Variants in AP2A2 observed in about 807,000 individuals in gnomAD.
AP2A2 encodes adaptor related protein complex 2 subunit alpha 2, also known as AP-2 complex subunit alpha-2.
Under a neutral mutation model 104.2 loss-of-function variants are expected in AP2A2, and 32 were observed. That is an observed-to-expected ratio of 0.31 (90% CI 0.23 to 0.41). The LOEUF is 0.41. Among genes scored for constraint, AP2A2 ranks in the 10% least tolerant of loss-of-function variants. AP2A2 has a pLI of 1.00. For missense variants in AP2A2, 912 were observed against 1,261.0 expected, an observed-to-expected ratio of 0.72 and a Z score of 4.19; for synonymous variants, 539 against 533.3, an observed-to-expected ratio of 1.01 and a Z score of -0.15.
chr11:939,951 CTTTTTTTTTT>C (rs145184268), intron 1 of AP2A2, among the ~76,000 whole-genome samples: 22 of 106,062 alleles, frequency 2.1e-4, no homozygotes, highest in Non-Finnish European at 4.1e-4. Flanking sequence ...GTTTTGCTTA[CTTTTTTTTTT>C]TTTTTTTTTT....
At chr11:969,220 CTTTTTTTTTTTT>C (rs1190722379) in intron 2 of AP2A2, among the ~76,000 whole-genome samples, 1 of 48,040 alleles carries the variant, frequency 2.1e-5, no homozygotes, top group Non-Finnish European at 4.3e-5. Flanking sequence ...TAGAACAGCC[CTTTTTTTTTTTT>C]TTTTTTTTTT....
Position 970,243 on chromosome 11 carries a change from G to C in AP2A2, c.211G>C (p.Asp71His), listed in dbSNP as rs1490807586. The change falls in exon 3 of 22, where the codon GAC (aspartate) becomes CAC (histidine). Residue 71 changes from aspartate to histidine, a missense_variant. Coordinates refer to ENST00000448903, the MANE Select transcript of AP2A2 (RefSeq NM_012305.4). ...GCTCTTCATCTTTCTCCTTGGTCAT[G>C]ACATTGACTTTGGACACATGGAGGC... ...KLLFIFLLGH[D>H]IDFGHMEAVN... 3 of 1,613,874 alleles carry C rather than the reference G, an allele frequency of 1.9e-6. No homozygotes were observed. Among genetic ancestry groups the C allele is most frequent in the Non-Finnish European group, 2.5e-6 (3 of 1,179,882 alleles).
At chr11:940,353 G>C (rs571443268) in intron 1 of AP2A2, among the ~76,000 whole-genome samples, 4 of 152,272 alleles carry the variant, frequency 2.6e-5, no homozygotes, top group African/African-American at 7.2e-5. Context: ...AAATATTCTT[G>C]TTGTATTTTG....
At chr11:987,995 C>T (rs1855520149) in intron 9 of AP2A2, among the ~76,000 whole-genome samples, 1 of 152,242 alleles carries the variant, frequency 6.6e-6, no homozygotes, top group Non-Finnish European at 1.5e-5. Context: ...TTGTTTTAGT[C>T]AATCCCTATT....
intron 14 of AP2A2, among the ~76,000 whole-genome samples, chr11:998,535 CCTT>C (rs543047452): frequency 3.9e-4 from 59 of 152,146 alleles, no homozygotes; most frequent in Non-Finnish European, 7.5e-4. Flanking sequence ...TAATTTTTTA[CCTT>C]CTTAGATGTC....
At position 968,790 on chromosome 11, in the gene AP2A2, G is replaced by A. The variant is rs915060225; in HGVS notation, c.137-1379G>A. On this transcript the variant is annotated intron_variant, in intron 2 of 21. Coordinates refer to ENST00000448903, the MANE Select transcript of AP2A2 (RefSeq NM_012305.4). This position sits in a 1 kb window ranked among gnomAD's most constrained non-coding sequence, Gnocchi z 4.2. Reference sequence around the variant, plus strand: ...GCAAGCAGATAAGTGGGTCGGGGCCGGGGGAGGGAGGAACCAGGTCGGGTC... The same window carrying A: ...GCAAGCAGATAAGTGGGTCGGGGCCAGGGGAGGGAGGAACCAGGTCGGGTC... 6.6e-6 allele frequency among the ~76,000 whole-genome samples: 1 copy of A among 151,972 alleles called. No homozygotes were observed. The highest frequency in any genetic ancestry group is 6.6e-5 in the Admixed American group (1 of 15,232).
At chr11:1,008,267 G>T in intron 18 of AP2A2, 132 bp downstream of exon 18, 1 of 1,301,628 alleles carries the variant, frequency 7.7e-7, no homozygotes, top group Non-Finnish European at 1.0e-6. Context: ...GTGCATGGAT[G>T]CGGCCTGAGC....
At chr11:1,002,655 C>T (rs571168407) in intron 15 of AP2A2, among the ~76,000 whole-genome samples, 7 of 152,382 alleles carry the variant, frequency 4.6e-5, no homozygotes, top group Admixed American at 3.9e-4. Context: ...TGCCCCTTGC[C>T]GTCTGTTGCT....
chr11:969,219 CCT>C lies in AP2A2; in HGVS notation c.137-949_137-948del, dbSNP rs1564799370. On this transcript the variant is annotated intron_variant, in intron 2 of 21. Coordinates refer to ENST00000448903, the MANE Select transcript of AP2A2 (RefSeq NM_012305.4). ...GAAACTCCTGGCAATGTAGAACAGC[CCT>C]TTTTTTTTTTTTTTTTTTTTTTTTT... Among the ~76,000 whole-genome samples the C allele has an allele frequency of 1.7e-4, 19 of 112,840 alleles. 4 individuals are homozygous for C. Among genetic ancestry groups the C allele is most frequent in the Non-Finnish European group, 2.6e-4 (14 of 54,336 alleles). The allele number at this position is 112,840 out of a possible 152,430, so 74.0% of individuals were successfully genotyped here. A position where few individuals can be genotyped will look rare whatever the true frequency, so the allele number is the denominator to read the frequency against.
chr11:973,129 C>T (rs569728524), intron 4 of AP2A2, among the ~76,000 whole-genome samples: 33 of 152,134 alleles, frequency 2.2e-4, no homozygotes, highest in African/African-American at 7.2e-4. Context: ...CCTCAGGCCA[C>T]GGGAGAGTGG....
In AP2A2 at chr11:992,746, G is replaced by A. The variant is rs1290638647; in HGVS notation, c.1452+61G>A. 4.4e-6 allele frequency: 7 copies of A among 1,593,838 alleles called. No individual in the cohort carries two copies. Among genetic ancestry groups the A allele is most frequent in the East Asian group, 2.2e-5 (1 of 44,684 alleles). On this transcript the variant is annotated intron_variant, in intron 11 of 21. Transcript: ENST00000448903. This position sits in a 1 kb window ranked among gnomAD's most constrained non-coding sequence, Gnocchi z 6.4. ...AGGGCAGTTGCAGAAGGTGAGCAGT[G>A]AGTGGTTCCAGCCTGCCTGCGTGGA...
chr11:949,774 CAAAA>C (rs1564788116), intron 1 of AP2A2, among the ~76,000 whole-genome samples: 1 of 74,234 alleles, frequency 1.3e-5, no homozygotes, highest in Non-Finnish European at 2.8e-5. Context: ...GACTCTGTCT[CAAAA>C]AAGAAAAAAA....
intron 16 of AP2A2, 122 bp from the exon 17 acceptor site, chr11:1,006,406 A>G (rs970944198): frequency 2.8e-6 from 2 of 722,800 alleles, no homozygotes; most frequent in African/African-American, 1.8e-5. Context: ...AACAACAGTC[A>G]TACATCACAA....
At chr11:978,997 T>G (rs1855148381) in intron 5 of AP2A2, among the ~76,000 whole-genome samples, 2 of 149,124 alleles carry the variant, frequency 1.3e-5, no homozygotes, top group Non-Finnish European at 3.0e-5. Context: ...CAGGTTGGAG[T>G]GGACAAGGAC....
At chr11:976,009 ATGGAACCTGGT>A (rs1412911110) in intron 4 of AP2A2, among the ~76,000 whole-genome samples, 1 of 152,208 alleles carries the variant, frequency 6.6e-6, no homozygotes, top group African/African-American at 2.4e-5. Flanking sequence ...AGCCACAAGC[ATGGAACCTGGT>A]TGGCTCTTCT....
In AP2A2 at chr11:948,848, C is replaced by T. The variant is rs916472071; in HGVS notation, c.68-10589C>T. ...CACCATTGCATTCAAACCTGGGCAA[C>T]GAGCGAAACTCCATCTCAAAGGAAA... On this transcript the variant is annotated intron_variant, in intron 1 of 21. Coordinates refer to ENST00000448903, the MANE Select transcript of AP2A2 (RefSeq NM_012305.4). Among the ~76,000 whole-genome samples, 6 of 151,676 alleles carry T rather than the reference C, an allele frequency of 4.0e-5. No homozygotes were observed. The East Asian group carries it at 5.8e-4, about 15-fold the overall frequency.
At chr11:989,778 C>T (rs1006635506) in intron 10 of AP2A2, among the ~76,000 whole-genome samples, 3 of 152,188 alleles carry the variant, frequency 2.0e-5, no homozygotes, top group Non-Finnish European at 2.9e-5. Flanking sequence ...TCAGGCTCAC[C>T]GTGTCTGTGG....
intron 14 of AP2A2, among the ~76,000 whole-genome samples, chr11:998,209 C>G (rs1855917191): frequency 6.6e-6 from 1 of 152,242 alleles, no homozygotes. Context: ...ACCTCCCACC[C>G]TTGGAGCACA....
At position 926,108 on chromosome 11, in the gene AP2A2, TGGGGCC is replaced by T. The variant is rs761173840; in HGVS notation, c.67+34_67+39del. The stretch of plus-strand genomic sequence containing the variant: ...GCAACTGTGAGTGGCGGGGGCGGCG[TGGGGCC>T]GGGGCCGGGGCCGCCGGCGGAGACG... On this transcript the variant is annotated intron_variant, in intron 1 of 21. Transcript: ENST00000448903. The T allele has an allele frequency of 2.4e-6, 3 of 1,272,698 alleles. No individual in the cohort carries two copies. The highest frequency in any genetic ancestry group is 3.0e-6 in the Non-Finnish European group (3 of 998,122). The allele number at this position is 1,272,698 out of a possible 1,614,324, so 78.8% of individuals were successfully genotyped here. A position where few individuals can be genotyped will look rare whatever the true frequency, so the allele number is the denominator to read the frequency against.
Sources: gnomAD v4.1 joint callset for allele counts (sites outside exome capture counted in the v4.1 genomes callset) on GRCh38, gnomAD v4.1.1 for gene constraint, Gnocchi (gnomAD v3.1) non-coding constraint, MANE v1.5 for transcripts, NCBI Gene and HGNC (gene_info 2026-07-23, HGNC 2026-07-21) for gene names.